CHD7: variants seen among roughly 807,000 people sequenced by gnomAD.
CHD7 encodes the protein ATP-dependent chromatin remodeler CHD7.
A neutral mutation model predicts 307.3 loss-of-function variants in CHD7; 24 were observed. The observed-to-expected ratio is 0.08, with a 90% CI of 0.06 to 0.11. The LOEUF is 0.11. Among genes scored for constraint, CHD7 ranks in the 10% least tolerant of loss-of-function variants. The pLI, the probability that CHD7 is intolerant of heterozygous loss-of-function variation, is 1.00. For missense variants in CHD7, 3,106 were observed against 3,727.1 expected, an observed-to-expected ratio of 0.83 and a Z score of 4.34; for synonymous variants, 1,363 against 1,349.9, an observed-to-expected ratio of 1.01 and a Z score of -0.21.
At chr8:60,708,693 C>G (rs140425718) in intron 1 of CHD7, among the ~76,000 whole-genome samples, 396 of 152,292 alleles carry the variant, frequency 2.6e-3, no homozygotes, top group Admixed American at 5.4e-3. Flanking sequence ...TTGCTTCGCC[C>G]TATTTCAAGT....
chr8:60,842,980 C>T (rs764269351), intron 21 of CHD7, among the ~76,000 whole-genome samples: 2 of 152,194 alleles, frequency 1.3e-5, no homozygotes, highest in South Asian at 2.1e-4. Context: ...CTTGCACCTC[C>T]GCTGGGAGGT....
intron 1 of CHD7, among the ~76,000 whole-genome samples, chr8:60,718,358 T>C (rs1473484705): frequency 6.6e-6 from 1 of 151,830 alleles, no homozygotes; most frequent in African/African-American, 2.4e-5. Flanking sequence ...GGCGCTAATC[T>C]CAGATACTCG....
At chr8:60,776,287 G>T (rs561266759) in intron 2 of CHD7, among the ~76,000 whole-genome samples, 1 of 152,302 alleles carries the variant, frequency 6.6e-6, no homozygotes, top group East Asian at 1.9e-4. Context: ...TTTTAATCAA[G>T]CAGAAAATAC....
chr8:60,725,105 G>A (rs1808101051), intron 1 of CHD7, among the ~76,000 whole-genome samples: 1 of 152,212 alleles, frequency 6.6e-6, no homozygotes, highest in South Asian at 2.1e-4. Context: ...TAAGCCCTGG[G>A]GATAAAGAGG....
intron 1 of CHD7, among the ~76,000 whole-genome samples, chr8:60,714,136 G>C (rs1807427682): frequency 6.6e-6 from 1 of 151,806 alleles, no homozygotes; most frequent in South Asian, 2.1e-4. Context: ...ATGGGTCAGC[G>C]CCCGGAGCCC....
At chr8:60,812,377 A>G (rs781613333) in intron 7 of CHD7, among the ~76,000 whole-genome samples, 16 of 152,120 alleles carry the variant, frequency 1.1e-4, no homozygotes, top group African/African-American at 3.1e-4. Flanking sequence ...TAAAGAGTCA[A>G]TTTTTGGCCA....
At chr8:60,707,171 T>G (rs1302451036) in intron 1 of CHD7, among the ~76,000 whole-genome samples, 1 of 152,194 alleles carries the variant, frequency 6.6e-6, no homozygotes, top group Non-Finnish European at 1.5e-5. Context: ...CTGATAAATA[T>G]TAGTAAGAAA....
chr8:60,856,483 G>C lies in CHD7; in HGVS notation c.7203G>C (p.Arg2401Ser). The change falls in exon 34 of 38, where the codon AGG (arginine) becomes AGC (serine). Residue 2401 changes from arginine (R) to serine (S), a missense_variant. By Grantham distance (110) the Arg-to-Ser change is moderately radical. This residue lies in a region of CHD7 where 1,030 missense variants were observed against 1,165.4 expected (regional missense o/e 0.88). Coordinates refer to ENST00000423902, the MANE Select transcript of CHD7 (RefSeq NM_017780.4). Reference protein sequence around the residue: ...ALNLSVPRQRRRRRRKIEIEA... With the variant: ...ALNLSVPRQRSRRRRKIEIEA... ...ACCTCTCTGTCCCTCGCCAGCGGAG[G>C]AGGAGGAGGAGAAAAATCGAAATTG... 1 of 1,613,614 alleles carries C rather than the reference G, an allele frequency of 6.2e-7. No homozygotes were observed. Among genetic ancestry groups the C allele is most frequent in the Non-Finnish European group, 8.5e-7 (1 of 1,179,724 alleles).
chr8:60,732,568 C>G (rs1808508077), intron 1 of CHD7, among the ~76,000 whole-genome samples: 2 of 152,180 alleles, frequency 1.3e-5, no homozygotes, highest in South Asian at 4.1e-4. Context: ...TTCTGTGTGT[C>G]AAGTCAGTAG....
chr8:60,705,045 G>A (rs1345493856), intron 1 of CHD7, among the ~76,000 whole-genome samples: 1 of 152,170 alleles, frequency 6.6e-6, no homozygotes, highest in African/African-American at 2.4e-5. Flanking sequence ...TAGGAGCTCT[G>A]AATGTGATAT....
chr8:60,845,504 C>G, intron 23 of CHD7, 95 bp downstream of exon 23: 1 of 1,378,478 alleles, frequency 7.3e-7, no homozygotes, highest in Non-Finnish European at 9.9e-7. Context: ...AGATGCAGAA[C>G]TCGCAGATTT....
At chr8:60,761,042 C>T (rs956382748) in intron 2 of CHD7, among the ~76,000 whole-genome samples, 19 of 152,136 alleles carry the variant, frequency 1.2e-4, no homozygotes, top group East Asian at 1.2e-3. Context: ...CACATGCACA[C>T]GTATGTTTAC....
At chr8:60,690,026 A>G (rs1048749883) in intron 1 of CHD7, among the ~76,000 whole-genome samples, 2 of 152,210 alleles carry the variant, frequency 1.3e-5, no homozygotes, top group Admixed American at 1.3e-4. Flanking sequence ...TTGTGTGAAT[A>G]TGCAGCCTCC....
At position 60,856,792 on chromosome 8, in the gene CHD7, T is replaced by C; in HGVS notation, c.7512T>C (p.Asp2504=). ...TRHLLNGSLV[D]GEPPMKRRRG... Reference sequence around the variant, plus strand: ...ATCTCCTTAATGGCTCCCTAGTGGATGGAGAGCCTCCCATGAAGAGGAGGC... The same window carrying C: ...ATCTCCTTAATGGCTCCCTAGTGGACGGAGAGCCTCCCATGAAGAGGAGGC... The change falls in exon 34 of 38, where the codon GAT becomes GAC. Residue 2504 remains aspartate, a synonymous_variant. Coordinates refer to ENST00000423902, the MANE Select transcript of CHD7 (RefSeq NM_017780.4). The C allele has an allele frequency of 1.2e-6, 2 of 1,610,372 alleles. No homozygotes were observed. Among genetic ancestry groups the C allele is most frequent in the Non-Finnish European group, 1.7e-6 (2 of 1,177,720 alleles).
rs186543721 is a variant in CHD7, at chr8:60,839,088, A to G, written c.4533+833A>G. On this transcript the variant is annotated intron_variant, in intron 19 of 37. Coordinates refer to ENST00000423902, the MANE Select transcript of CHD7 (RefSeq NM_017780.4). Reference sequence around the variant, plus strand: ...TCATTAGCAATCATTCCCCATTCCTATCCATACCAGTCTGCCATATCTGGA... The same window carrying G: ...TCATTAGCAATCATTCCCCATTCCTGTCCATACCAGTCTGCCATATCTGGA... Among the ~76,000 whole-genome samples, 9 of 152,202 alleles carry G rather than the reference A, an allele frequency of 5.9e-5. 1 individual carries two copies. Among genetic ancestry groups the G allele is most frequent in the Admixed American group, 5.9e-4 (9 of 15,282 alleles).
chr8:60,820,552 G>A (rs1265796832), intron 9 of CHD7, among the ~76,000 whole-genome samples: 1 of 152,150 alleles, frequency 6.6e-6, no homozygotes, highest in African/African-American at 2.4e-5. Flanking sequence ...AAAGATCCTA[G>A]TCTCAACACT....
At chr8:60,794,721 G>A (rs1182560033) in intron 3 of CHD7, among the ~76,000 whole-genome samples, 1 of 152,076 alleles carries the variant, frequency 6.6e-6, no homozygotes, top group Non-Finnish European at 1.5e-5. Flanking sequence ...TTGATATACT[G>A]GCAGGCATTT....
chr8:60,712,380 A>T (rs1807323078), intron 1 of CHD7, among the ~76,000 whole-genome samples: 1 of 152,156 alleles, frequency 6.6e-6, no homozygotes, highest in African/African-American at 2.4e-5. Context: ...AAAAAGAAGA[A>T]TTTTTACAAT....
At position 60,864,564 on chromosome 8, in the gene CHD7, G is replaced by T. The variant is rs190729689; in HGVS notation, c.8077-452G>T. 371 of 188,276 alleles carry T rather than the reference G, an allele frequency of 2.0e-3. 1 individual carries two copies. The highest frequency in any genetic ancestry group is 8.2e-3 in the African/African-American group (349 of 42,416). 11.7% of individuals were successfully genotyped at this position (188,276 alleles called of 1,614,324 possible). On this transcript the variant is annotated intron_variant, in intron 37 of 37. Coordinates refer to ENST00000423902, the MANE Select transcript of CHD7 (RefSeq NM_017780.4). ...ATAATGATCATGTTGGGTAGATGAG[G>T]TATGCATCACCTCAAGCATTTACCC...
Sources: gnomAD v4.1 joint callset for allele counts (sites outside exome capture counted in the v4.1 genomes callset) on GRCh38, gnomAD v4.1.1 for gene constraint, gnomAD v4.1.1 regional missense constraint, MANE v1.5 for transcripts, NCBI Gene and HGNC (gene_info 2026-07-23, HGNC 2026-07-21) for gene names.